COX6C: variants seen among roughly 807,000 people sequenced by gnomAD.
COX6C encodes the protein cytochrome c oxidase polypeptide VIc.
COX6C carries 3 observed loss-of-function variants against 6.9 expected under a neutral mutation model. The observed-to-expected ratio is 0.43, with a 90% CI of 0.20 to 1.12. COX6C has a LOEUF of 1.12. COX6C is among the 50% of genes most tolerant of loss of function. The pLI is 0.27. For missense variants in COX6C, 101 were observed against 97.3 expected (o/e 1.04, Z -0.16); for synonymous variants, 32 against 32.0 (o/e 1.00, Z 0.00).
chr8:99,888,279 T>G (rs1817974627), intron 2 of COX6C, among the ~76,000 whole-genome samples: 1 of 151,212 alleles, frequency 6.6e-6, no homozygotes, highest in Admixed American at 6.6e-5. Flanking sequence ...AGTAATAAAA[T>G]CAAGAGGCAG....
At chr8:99,882,777 A>G (rs764040896) in intron 3 of COX6C, among the ~76,000 whole-genome samples, 11 of 148,416 alleles carry the variant, frequency 7.4e-5, no homozygotes, top group Non-Finnish European at 1.6e-4. Flanking sequence ...CTAATGAAAT[A>G]GAAATACATA....
At chr8:99,883,528 C>T (rs1206643576) in intron 3 of COX6C, among the ~76,000 whole-genome samples, 1 of 149,536 alleles carries the variant, frequency 6.7e-6, no homozygotes, top group Non-Finnish European at 1.5e-5. Flanking sequence ...TCTCTAACTT[C>T]TGGATTATAG....
chr8:99,887,966 C>T (rs1817968847), intron 2 of COX6C, among the ~76,000 whole-genome samples: 1 of 151,442 alleles, frequency 6.6e-6, no homozygotes. Context: ...GGGGTCTCGC[C>T]TGTAGTCCCA....
chr8:99,893,511 G>A (rs1818091479), intron 1 of COX6C, 128 bp downstream of exon 1: 2 of 152,284 alleles, frequency 1.3e-5, no homozygotes, highest in South Asian at 2.1e-4. Flanking sequence ...AGATGCGGGA[G>A]AGGCCTGAAG....
At chr8:99,890,145 T>C (rs1284392461) in intron 2 of COX6C, among the ~76,000 whole-genome samples, 1 of 151,590 alleles carries the variant, frequency 6.6e-6, no homozygotes, top group Non-Finnish European at 1.5e-5. Context: ...TGTATTTTAG[T>C]AGAGACGTAG....
intron 3 of COX6C, among the ~76,000 whole-genome samples, chr8:99,885,094 T>C (rs571996524): frequency 6.6e-6 from 1 of 152,336 alleles, no homozygotes; most frequent in South Asian, 2.1e-4. Context: ...TTACTGATTT[T>C]AAAGCATACT....
intron 3 of COX6C, among the ~76,000 whole-genome samples, chr8:99,882,217 G>C (rs547013979): frequency 1.3e-5 from 2 of 152,052 alleles, no homozygotes; most frequent in East Asian, 3.9e-4. Flanking sequence ...CATATGACTT[G>C]AACAACACTA....
intron 3 of COX6C, chr8:99,878,547 C>G (rs1817789278): frequency 6.6e-6 from 1 of 152,186 alleles, no homozygotes; most frequent in Non-Finnish European, 1.5e-5. Context: ...CTGCTTTTTT[C>G]CTTCTCAATT....
At chr8:99,879,853 G>C (rs1294055408) in intron 3 of COX6C, among the ~76,000 whole-genome samples, 1 of 152,196 alleles carries the variant, frequency 6.6e-6, no homozygotes, top group Non-Finnish European at 1.5e-5. Context: ...TTGGATAGGA[G>C]GTTGGAAAGA....
chr8:99,882,930 G>A (rs764935270), intron 3 of COX6C, among the ~76,000 whole-genome samples: 34 of 152,124 alleles, frequency 2.2e-4, no homozygotes, highest in Admixed American at 1.5e-3. Context: ...GACTGCAGGC[G>A]TGTGCCATCA....
At chr8:99,884,553 T>A (rs1817916708) in intron 3 of COX6C, among the ~76,000 whole-genome samples, 1 of 152,052 alleles carries the variant, frequency 6.6e-6, no homozygotes, top group Admixed American at 6.6e-5. Flanking sequence ...CATAAGGAAG[T>A]AAGAAGGAAA....
rs148327122 is a variant in COX6C at position 99,882,338 on chromosome 8, G to A, written c.*16-4073C>T. On this transcript the variant is annotated intron_variant, in intron 3 of 3. Transcript: ENST00000520468. ...AACCATATGTTAGGTCACAAAATAA[G>A]TCTTCAATTTTAAAAGACTGGAAAT... is the stretch of plus-strand genomic sequence containing the variant. Among the ~76,000 whole-genome samples, 32 of 152,284 alleles carry A rather than the reference G, an allele frequency of 2.1e-4. 2 individuals carry two copies. In the East Asian group the frequency reaches 6.2e-3, roughly 29 times the overall value.
intron 3 of COX6C, chr8:99,887,247 T>C (rs956089130): frequency 2.7e-5 from 8 of 300,038 alleles, no homozygotes; most frequent in African/African-American, 1.3e-4. Context: ...CTTGTGATTA[T>C]GTTTCTGACT....
At chr8:99,883,228 T>G (rs184005742) in intron 3 of COX6C, among the ~76,000 whole-genome samples, 1 of 152,174 alleles carries the variant, frequency 6.6e-6, no homozygotes, top group East Asian at 1.9e-4. Flanking sequence ...ACCAAACTTT[T>G]TTGAGACAGG....
At chr8:99,880,930 G>GT (rs1255237845) in intron 3 of COX6C, among the ~76,000 whole-genome samples, 1 of 152,088 alleles carries the variant, frequency 6.6e-6, no homozygotes, top group Non-Finnish European at 1.5e-5. Context: ...AGTCAAAGGA[G>GT]TTTTACCAAT....
At chr8:99,885,489 T>C (rs900956624) in intron 3 of COX6C, among the ~76,000 whole-genome samples, 7 of 152,010 alleles carry the variant, frequency 4.6e-5, no homozygotes, top group Non-Finnish European at 8.8e-5. Flanking sequence ...ACTAAAGAAA[T>C]AGCCCAGAAA....
intron 3 of COX6C, among the ~76,000 whole-genome samples, chr8:99,879,310 A>T (rs1281408300): frequency 6.6e-6 from 1 of 152,226 alleles, no homozygotes; most frequent in Non-Finnish European, 1.5e-5. Flanking sequence ...ACCTATGGAA[A>T]GACAGCTAGT....
chr8:99,889,449 G>A (rs544796430), intron 2 of COX6C, among the ~76,000 whole-genome samples: 9 of 149,610 alleles, frequency 6.0e-5, no homozygotes, highest in Admixed American at 1.3e-4. Context: ...GTAATGGTGC[G>A]AACTCGGCTC....
intron 3 of COX6C, among the ~76,000 whole-genome samples, chr8:99,884,464 C>A (rs866618524): frequency 3.3e-5 from 5 of 152,040 alleles, no homozygotes; most frequent in Middle Eastern, 3.2e-3. Flanking sequence ...CAGATATATA[C>A]CTGTATACTG....
Sources: allele counts gnomAD v4.1 joint callset (sites outside exome capture counted in the v4.1 genomes callset), GRCh38; gene constraint gnomAD v4.1.1; transcripts MANE v1.5; gene names NCBI Gene and HGNC (gene_info 2026-07-23, HGNC 2026-07-21).